TGFB2: variants seen among roughly 807,000 people sequenced by gnomAD.
TGFB2 encodes transforming growth factor beta 2, also known as transforming growth factor beta-2 proprotein.
A neutral mutation model predicts 42.7 loss-of-function variants in TGFB2; 13 were observed. That is an observed-to-expected ratio of 0.30 (90% confidence interval 0.20 to 0.48). The LOEUF is 0.48. Ranked by LOEUF, TGFB2 falls within the 20% of genes least tolerant of loss-of-function variation. The probability of loss-of-function intolerance (pLI) is 0.99; values close to 1 mark genes in which losing one functional copy is unlikely to be tolerated. For synonymous variants in TGFB2, 193 were observed against 193.6 expected, an observed-to-expected ratio of 1.00 and a Z score of 0.03; for missense variants, 390 against 517.5, an observed-to-expected ratio of 0.75 and a Z score of 2.39.
chr1:218,395,101 G>C (rs975705266), intron 1 of TGFB2, among the ~76,000 whole-genome samples: 2 of 152,116 alleles, frequency 1.3e-5, no homozygotes, highest in Non-Finnish European at 2.9e-5. Flanking sequence ...TTCTGGAAAG[G>C]GAAATGAGGG....
At chr1:218,395,322 T>C (rs1053405037) in intron 1 of TGFB2, among the ~76,000 whole-genome samples, 1 of 152,234 alleles carries the variant, frequency 6.6e-6, no homozygotes, top group Non-Finnish European at 1.5e-5. Flanking sequence ...GTGAAAATAC[T>C]ATGGCCTTGC....
chr1:218,415,868 TG>T (rs1250715404), intron 2 of TGFB2, among the ~76,000 whole-genome samples: 1 of 152,058 alleles, frequency 6.6e-6, no homozygotes, highest in Non-Finnish European at 1.5e-5. Context: ...CTAGGTTAAG[TG>T]TCTGGCACAC....
chr1:218,351,736 C>T (rs939011342), intron 1 of TGFB2, among the ~76,000 whole-genome samples: 2 of 152,156 alleles, frequency 1.3e-5, no homozygotes, highest in African/African-American at 2.4e-5. Flanking sequence ...ACTGCGTCTC[C>T]ACAGCAACCC....
At chr1:218,394,403 A>G (rs1026359669) in intron 1 of TGFB2, among the ~76,000 whole-genome samples, 1 of 152,098 alleles carries the variant, frequency 6.6e-6, no homozygotes, top group Non-Finnish European at 1.5e-5. Flanking sequence ...TGGAATAGAA[A>G]CTGGAAACCC....
rs11466363 is a variant in TGFB2 at position 218,345,472 on chromosome 1, G to A, written c.-1230G>A. On this transcript the variant is annotated 5_prime_UTR_variant, in exon 1 of 7. Coordinates refer to ENST00000366930, the MANE Select transcript of TGFB2 (RefSeq NM_003238.6). ...CAGAGCGAGAGCGCAAGTGAAAGAG[G>A]CAGGGGAGGGGGATGGAGAATATTA... 8.4e-3 allele frequency: 1,294 copies of A among 153,200 alleles called. 21 individuals are homozygous for A. The highest frequency in any genetic ancestry group is 0.029 in the African/African-American group (1,222 of 41,606). The allele number at this position is 153,200 out of a possible 1,614,324, so 9.5% of individuals were successfully genotyped here. A position where few individuals can be genotyped will look rare whatever the true frequency, so the allele number is the denominator to read the frequency against.
intron 1 of TGFB2, among the ~76,000 whole-genome samples, chr1:218,352,099 C>T (rs1571826559): frequency 1.3e-5 from 2 of 152,084 alleles, no homozygotes; most frequent in Non-Finnish European, 2.9e-5. Flanking sequence ...CACTCCAGCC[C>T]GCCTCCCCCT....
Position 218,432,411 on chromosome 1 carries a change from A to C in TGFB2, c.511-1671A>C, listed in dbSNP as rs145178586. Among the ~76,000 whole-genome samples the C allele has an allele frequency of 2.6e-3, 396 of 152,224 alleles. 2 individuals are homozygous for C. Among genetic ancestry groups the C allele is most frequent in the African/African-American group, 9.1e-3 (378 of 41,530 alleles). On this transcript the variant is annotated intron_variant, in intron 2 of 6. Coordinates refer to ENST00000366930, the MANE Select transcript of TGFB2 (RefSeq NM_003238.6). ...ACCACAGGGGCAGATCTGTAGAATA[A>C]GTCTTGTGTAAAATTCATGAGGGCA...
At chr1:218,439,611 G>A (rs1306857457) in intron 6 of TGFB2, among the ~76,000 whole-genome samples, 1 of 152,136 alleles carries the variant, frequency 6.6e-6, no homozygotes, top group Non-Finnish European at 1.5e-5. Context: ...GTAGACTTTG[G>A]CACTCGGGGG....
Position 218,434,475 on chromosome 1 carries a change from G to C in TGFB2, c.754+27G>C. 6 of 1,430,946 alleles carry C rather than the reference G, an allele frequency of 4.2e-6. No homozygotes were observed. In the South Asian group the frequency reaches 4.6e-5, roughly 11 times the overall value. The allele number at this position is 1,430,946 out of a possible 1,614,324, so 88.6% of individuals were successfully genotyped here. ...TAACCAAAACTTGGTCATATGAGGT[G>C]GGGGAGGGAAGGGTCTATATTGATA... On this transcript the variant is annotated intron_variant, in intron 4 of 6. Transcript: ENST00000366930.
intron 2 of TGFB2, among the ~76,000 whole-genome samples, chr1:218,412,880 C>G (rs1659145759): frequency 6.6e-6 from 1 of 152,098 alleles, no homozygotes; most frequent in Non-Finnish European, 1.5e-5. Context: ...AAATAACTCC[C>G]TGGGGGAAGC....
At chr1:218,431,415 C>G (rs1041396118) in intron 2 of TGFB2, among the ~76,000 whole-genome samples, 2 of 152,074 alleles carry the variant, frequency 1.3e-5, no homozygotes, top group African/African-American at 4.8e-5. Context: ...CATTATGTGT[C>G]TTTTCTGCTT....
intron 1 of TGFB2, among the ~76,000 whole-genome samples, chr1:218,403,258 A>G (rs549400136): frequency 6.6e-6 from 1 of 152,132 alleles, no homozygotes; most frequent in African/African-American, 2.4e-5. Flanking sequence ...TGGGTTATAA[A>G]GCCTCAATTC....
At chr1:218,427,657 C>T (rs1323797366) in intron 2 of TGFB2, among the ~76,000 whole-genome samples, 1 of 152,182 alleles carries the variant, frequency 6.6e-6, no homozygotes, top group Non-Finnish European at 1.5e-5. Flanking sequence ...CTACAGAAGA[C>T]ATGAACTCAT....
intron 1 of TGFB2, among the ~76,000 whole-genome samples, chr1:218,383,741 T>C (rs2102569597): frequency 6.6e-6 from 1 of 152,338 alleles, no homozygotes; most frequent in East Asian, 1.9e-4. Context: ...ATATATCCCA[T>C]GAGTCAGGTT....
chr1:218,383,034 C>A (rs1013828161), intron 1 of TGFB2, among the ~76,000 whole-genome samples: 5 of 152,110 alleles, frequency 3.3e-5, no homozygotes, highest in Non-Finnish European at 7.3e-5. Context: ...TTTTTGGAGT[C>A]TTCTTGAAAA....
rs541430067 is a variant in TGFB2 at position 218,420,080 on chromosome 1, G to C, written c.511-14002G>C. On this transcript the variant is annotated intron_variant, in intron 2 of 6. Transcript: ENST00000366930. ...ACTCCCCAAGTTCACATGTGTTAGTGTTAAAGTCAGAGTGGAATTGGAAGG... is the reference window on the plus strand; with the variant it reads ...ACTCCCCAAGTTCACATGTGTTAGTCTTAAAGTCAGAGTGGAATTGGAAGG... 4.6e-5 allele frequency among the ~76,000 whole-genome samples: 7 copies of C among 152,280 alleles called. 1 individual carries two copies. The highest frequency in any genetic ancestry group is 1.4e-4 in the African/African-American group (6 of 41,556).
At chr1:218,390,340 A>G (rs993454371) in intron 1 of TGFB2, among the ~76,000 whole-genome samples, 8 of 144,676 alleles carry the variant, frequency 5.5e-5, no homozygotes, top group East Asian at 2.0e-4. Context: ...TTCCCCAAAG[A>G]AAAAAAAAAA....
chr1:218,379,424 G>A (rs562434507), intron 1 of TGFB2, among the ~76,000 whole-genome samples: 2 of 150,966 alleles, frequency 1.3e-5, no homozygotes, highest in Admixed American at 6.6e-5. Flanking sequence ...GTGAGCCACC[G>A]TGCCCGGCCA....
At chr1:218,414,510 A>G (rs1659209692) in intron 2 of TGFB2, among the ~76,000 whole-genome samples, 1 of 152,162 alleles carries the variant, frequency 6.6e-6, no homozygotes, top group East Asian at 1.9e-4. Flanking sequence ...AATAAAAAAC[A>G]CCATGAGGTA....
Sources: gnomAD v4.1 joint callset for allele counts (sites outside exome capture counted in the v4.1 genomes callset) on GRCh38, gnomAD v4.1.1 for gene constraint, MANE v1.5 for transcripts, NCBI Gene and HGNC (gene_info 2026-07-23, HGNC 2026-07-21) for gene names.